LARGE1: variants seen among roughly 807,000 people sequenced by gnomAD.
LARGE1 encodes the protein xylosyl- and glucuronyltransferase LARGE1.
A neutral mutation model predicts 87.6 loss-of-function variants in LARGE1; 43 were observed. The observed-to-expected ratio is 0.49, with a 90% CI of 0.38 to 0.63. The LOEUF is 0.63. Among genes scored for constraint, LARGE1 ranks in the 30% least tolerant of loss-of-function variants. The probability of loss-of-function intolerance (pLI) is 0.00; values close to 1 mark genes in which losing one functional copy is unlikely to be tolerated. For missense variants in LARGE1, 802 were observed against 1,000.2 expected (o/e 0.80, Z 2.67); for synonymous variants, 434 against 394.6 (o/e 1.10, Z -1.18).
chr22:33,880,259 T>A (rs2064635036), intron 1 of LARGE1, among the ~76,000 whole-genome samples: 1 of 152,148 alleles, frequency 6.6e-6, no homozygotes, highest in South Asian at 2.1e-4. Context: ...TTTCCAAGTA[T>A]CTGGACCCAA....
intron 2 of LARGE1, among the ~76,000 whole-genome samples, chr22:33,741,764 G>A (rs931460650): frequency 1.4e-4 from 22 of 152,222 alleles, no homozygotes; most frequent in Non-Finnish European, 2.6e-4. Context: ...AATGGCAGCG[G>A]GAAGAAAGAG....
rs180710235 is a variant in LARGE1, at chr22:33,602,559, G to A, written c.615+1876C>T. ...TCCAGCTAGTTTTTTGTAGAGACACGCATCTCACTATGTTTCCCAGGCTGG... is the reference window on the plus strand; with the variant it reads ...TCCAGCTAGTTTTTTGTAGAGACACACATCTCACTATGTTTCCCAGGCTGG... On this transcript the variant is annotated intron_variant, in intron 5 of 14. Transcript: ENST00000397394. 1.7e-3 allele frequency among the ~76,000 whole-genome samples: 257 copies of A among 151,948 alleles called. 1 individual carries two copies. Among genetic ancestry groups the A allele is most frequent in the African/African-American group, 5.8e-3 (239 of 41,404 alleles).
intron 4 of LARGE1, among the ~76,000 whole-genome samples, chr22:33,607,400 G>A (rs1186740616): frequency 1.4e-5 from 2 of 145,380 alleles, no homozygotes; most frequent in Admixed American, 1.4e-4. Flanking sequence ...GGCAGAGGTT[G>A]CTGTGAGCCA....
At chr22:33,789,446 C>A (rs757881794) in intron 1 of LARGE1, among the ~76,000 whole-genome samples, 1 of 152,202 alleles carries the variant, frequency 6.6e-6, no homozygotes, top group Non-Finnish European at 1.5e-5. Context: ...TTGGATCCCC[C>A]ACACAGAGTG....
At chr22:33,142,460 G>A in the LARGE1 span, among the ~76,000 whole-genome samples, 1 of 152,002 alleles carries the variant, frequency 6.6e-6, no homozygotes, top group African/African-American at 2.4e-5. Flanking sequence ...TTAAAACACT[G>A]TTGTTTTTGG....
intron 6 of LARGE1, among the ~76,000 whole-genome samples, chr22:33,540,513 G>GT (rs1248787098): frequency 5.9e-5 from 9 of 152,142 alleles, no homozygotes; most frequent in Non-Finnish European, 1.2e-4. Context: ...TTTTAATCCC[G>GT]TCTCCAAACA....
At chr22:33,631,624 G>C (rs1460263236) in intron 3 of LARGE1, among the ~76,000 whole-genome samples, 6 of 152,086 alleles carry the variant, frequency 3.9e-5, no homozygotes, top group African/African-American at 1.4e-4. Context: ...TCCTGCGACA[G>C]CAAGGCCTTC....
At chr22:33,532,797 C>G (rs2076936508) in intron 6 of LARGE1, among the ~76,000 whole-genome samples, 1 of 152,182 alleles carries the variant, frequency 6.6e-6, no homozygotes, top group Non-Finnish European at 1.5e-5. Context: ...AGAATGTGTT[C>G]ATTCCTTTGT....
At chr22:33,388,860 C>T (rs748470156) in intron 7 of LARGE1, among the ~76,000 whole-genome samples, 17 of 152,056 alleles carry the variant, frequency 1.1e-4, no homozygotes, top group Non-Finnish European at 1.5e-4. Context: ...TGAGCCACCA[C>T]GCCTGGCCAA....
chr22:33,216,583 G>A (rs1360568512), intron 11 of LARGE1, among the ~76,000 whole-genome samples: 2 of 146,056 alleles, frequency 1.4e-5, no homozygotes, highest in South Asian at 2.2e-4. Context: ...GGGCGACAGC[G>A]TGACACTCCA....
intron 1 of LARGE1, among the ~76,000 whole-genome samples, chr22:33,915,246 A>AGTGGG (rs2065753165): frequency 6.6e-6 from 1 of 152,164 alleles, no homozygotes; most frequent in East Asian, 1.9e-4. Context: ...CAAGAAACAC[A>AGTGGG]CATATGCACA....
chr22:33,166,546 A>G (rs1469070197), exon 12 of LARGE1: 3 of 344,456 alleles, frequency 8.7e-6, no homozygotes, highest in Non-Finnish European at 1.7e-5. Flanking sequence ...TACCACTTCA[A>G]TCTTTCCACA....
chr22:33,907,817 T>G (rs1352839257), intron 1 of LARGE1, among the ~76,000 whole-genome samples: 1 of 152,134 alleles, frequency 6.6e-6, no homozygotes, highest in Admixed American at 6.6e-5. Flanking sequence ...CAGGATGGTC[T>G]CAATCTCCTG....
At chr22:33,384,591 G>C (rs73166265) in intron 7 of LARGE1, among the ~76,000 whole-genome samples, 1 of 148,410 alleles carries the variant, frequency 6.7e-6, no homozygotes, top group Non-Finnish European at 1.5e-5. Context: ...CTTGTTGTAT[G>C]GAGACTGGTC....
chr22:33,630,668 G>A (rs1216854097), intron 3 of LARGE1, among the ~76,000 whole-genome samples: 3 of 152,194 alleles, frequency 2.0e-5, no homozygotes, highest in East Asian at 1.9e-4. Context: ...AGCTCTGGGT[G>A]AGTCAGTGAG....
intron 1 of LARGE1, among the ~76,000 whole-genome samples, chr22:33,826,316 C>T (rs983512521): frequency 1.3e-5 from 2 of 151,422 alleles, no homozygotes; most frequent in South Asian, 4.2e-4. Context: ...ACTGCCTTCT[C>T]CTATGTGTTC....
At chr22:33,218,246 A>G (rs977728900) in intron 11 of LARGE1, among the ~76,000 whole-genome samples, 1 of 152,042 alleles carries the variant, frequency 6.6e-6, no homozygotes, top group Non-Finnish European at 1.5e-5. Context: ...CTTCTTAATT[A>G]TCTTCTTGAA....
intron 6 of LARGE1, among the ~76,000 whole-genome samples, chr22:33,438,311 C>T (rs2067346558): frequency 6.6e-6 from 1 of 152,152 alleles, no homozygotes; most frequent in South Asian, 2.1e-4. Flanking sequence ...CACTGCCTGT[C>T]TCGTCTTCTT....
Position 33,416,906 on chromosome 22 carries a change from CTTT to C in LARGE1, c.892+15252_892+15254del, listed in dbSNP as rs35018256. Among the ~76,000 whole-genome samples, 94 of 90,140 alleles carry C rather than the reference CTTT, an allele frequency of 1.0e-3. 3 individuals carry two copies. The highest frequency in any genetic ancestry group is 5.2e-3 in the African/African-American group (90 of 17,438). 59.1% of individuals were successfully genotyped at this position (90,140 alleles called of 152,430 possible). ...ACAGGTGTGAGGCACCACGCCCGGA[CTTT>C]TTTTTTTTTTTTTTTTGAGACAGAG... On this transcript the variant is annotated intron_variant, in intron 7 of 14. Coordinates refer to ENST00000397394, the MANE Select transcript of LARGE1 (RefSeq NM_133642.5).
Sources: allele counts gnomAD v4.1 joint callset (sites outside exome capture counted in the v4.1 genomes callset), GRCh38; gene constraint gnomAD v4.1.1; transcripts MANE v1.5; gene names NCBI Gene and HGNC (gene_info 2026-07-23, HGNC 2026-07-21).